Variants in NLRP5 observed in about 807,000 individuals in gnomAD.
NLRP5 encodes the protein NACHT, LRR and PYD domains-containing protein 5.
A neutral mutation model predicts 113.1 loss-of-function variants in NLRP5; 93 were observed. That is an observed-to-expected ratio of 0.82 (90% CI 0.70 to 0.98). The LOEUF is 0.98. Among genes scored for constraint, NLRP5 ranks in the 50% least tolerant of loss-of-function variants. The pLI is 0.00. For synonymous variants in NLRP5, 751 were observed against 600.7 expected (o/e 1.25, Z -3.66); for missense variants, 1,808 against 1,514.3 (o/e 1.19, Z -3.22).
At chr19:56,031,252 T>A (rs567009791) in intron 7 of NLRP5, among the ~76,000 whole-genome samples, 1 of 152,252 alleles carries the variant, frequency 6.6e-6, no homozygotes, top group East Asian at 1.9e-4. Flanking sequence ...TTCATGCCCA[T>A]GAAACGATAA....
intron 3 of NLRP5, among the ~76,000 whole-genome samples, chr19:56,014,518 G>A (rs1267526290): frequency 6.6e-6 from 1 of 151,406 alleles, no homozygotes; most frequent in Non-Finnish European, 1.5e-5. Context: ...AAAATCAGAA[G>A]GTTTACACCA....
intron 7 of NLRP5, among the ~76,000 whole-genome samples, chr19:56,031,466 T>TA (rs892558496): frequency 4.0e-4 from 61 of 151,604 alleles, no homozygotes; most frequent in Admixed American, 7.2e-4. Context: ...CCATCTCTAC[T>TA]AAAAAAATAC....
chr19:56,010,891 C>T (rs748835274), intron 3 of NLRP5, among the ~76,000 whole-genome samples: 20 of 151,718 alleles, frequency 1.3e-4, no homozygotes, highest in Non-Finnish European at 1.9e-4. Flanking sequence ...GTGACTCATA[C>T]CTGTAATCCC....
In NLRP5 at chr19:56,041,032, A is replaced by C. The variant is rs1008674332; in HGVS notation, c.2897A>C (p.Glu966Ala). 4 of 1,613,978 alleles carry C rather than the reference A, an allele frequency of 2.5e-6. No individual in the cohort carries two copies. Among genetic ancestry groups the C allele is most frequent in the Non-Finnish European group, 3.4e-6 (4 of 1,179,878 alleles). Residue 966 changes from glutamate (E) to alanine (A), a missense_variant, in exon 11 of 15, where the codon GAA becomes GCA. Coordinates refer to ENST00000390649, the MANE Select transcript of NLRP5 (RefSeq NM_153447.4). Reference sequence around the variant, plus strand: ...CTATCCAACAACAGCCTGGGGAACGAAGGTGTAAATCTACTGTGTCGATCC... The same window carrying C: ...CTATCCAACAACAGCCTGGGGAACGCAGGTGTAAATCTACTGTGTCGATCC...
At chr19:56,031,163 G>A (rs1983097772) in intron 7 of NLRP5, among the ~76,000 whole-genome samples, 1 of 152,068 alleles carries the variant, frequency 6.6e-6, no homozygotes, top group African/African-American at 2.4e-5. Context: ...CAATTTTTAG[G>A]TGTACGATAC....
intron 3 of NLRP5, among the ~76,000 whole-genome samples, chr19:56,015,341 C>T (rs1481269961): frequency 2.0e-5 from 3 of 152,044 alleles, no homozygotes; most frequent in Non-Finnish European, 2.9e-5. Flanking sequence ...ATTACAGGCA[C>T]ACGCCACCAT....
chr19:56,015,641 T>A, intron 3 of NLRP5, 101 bp from the exon 4 acceptor site: 1 of 973,956 alleles, frequency 1.0e-6, no homozygotes, highest in Non-Finnish European at 1.5e-6. Flanking sequence ...GTCAGAAAAT[T>A]AACTATGGCA....
At chr19:55,998,577 C>T (rs1464886613), upstream of NLRP5, among the ~76,000 whole-genome samples, 5 of 150,860 alleles carry the variant, frequency 3.3e-5, no homozygotes, top group African/African-American at 7.3e-5. Context: ...TGCTTGAACC[C>T]GGGAGGTGGA....
chr19:56,008,902 G>A (rs757149795), intron 3 of NLRP5, 49 bp downstream of exon 3: 2 of 1,530,624 alleles, frequency 1.3e-6, no homozygotes, highest in African/African-American at 1.4e-5. Flanking sequence ...AAGACACATG[G>A]CAGCCAGTTT....
chr19:56,021,780 T>G (rs1982626403), intron 6 of NLRP5, among the ~76,000 whole-genome samples: 1 of 152,216 alleles, frequency 6.6e-6, no homozygotes, highest in African/African-American at 2.4e-5. Context: ...TGAACACTCA[T>G]GTCCTAGGAG....
intron 6 of NLRP5, 70 bp from the exon 7 acceptor site, chr19:56,026,843 T>C: frequency 1.4e-6 from 2 of 1,478,700 alleles, no homozygotes; most frequent in South Asian, 2.7e-5. Context: ...CCCACAGTGC[T>C]GGGATGACAG....
the NLRP5 span, among the ~76,000 whole-genome samples, chr19:55,987,044 C>T: frequency 6.6e-6 from 1 of 152,184 alleles, no homozygotes; most frequent in Non-Finnish European, 1.5e-5. Flanking sequence ...TTAGGTAAGT[C>T]TCTCGTCCTT....
chr19:56,001,769 A>G (rs1029707477), intron 1 of NLRP5, among the ~76,000 whole-genome samples: 5 of 152,214 alleles, frequency 3.3e-5, no homozygotes, highest in Non-Finnish European at 5.9e-5. Context: ...AAATGTACAG[A>G]TGTCAAGCAA....
intron 6 of NLRP5, among the ~76,000 whole-genome samples, chr19:56,025,879 C>T (rs1050926714): frequency 1.3e-5 from 2 of 152,072 alleles, no homozygotes; most frequent in African/African-American, 4.8e-5. Flanking sequence ...TGTTGGCATA[C>T]ATCATTCATT....
intron 1 of NLRP5, among the ~76,000 whole-genome samples, chr19:56,002,244 A>G (rs145554213): frequency 6.6e-6 from 1 of 152,344 alleles, no homozygotes; most frequent in Non-Finnish European, 1.5e-5. Flanking sequence ...TGCCCATATT[A>G]AATTGGATCG....
the NLRP5 span, among the ~76,000 whole-genome samples, chr19:55,992,100 A>G: frequency 2.0e-5 from 3 of 152,086 alleles, no homozygotes; most frequent in African/African-American, 7.2e-5. Flanking sequence ...GCTCCCATTT[A>G]TAAGTGAGAA....
upstream of NLRP5, among the ~76,000 whole-genome samples, chr19:55,997,862 C>CA (rs11414769): frequency 0.52 from 77,339 of 149,100 alleles, 20,880 homozygotes; most frequent in African/African-American, 0.68. Context: ...CACTCTATCT[C>CA]AAAAAAAAAA....
chr19:56,023,089 T>TA (rs1245498747), intron 6 of NLRP5, among the ~76,000 whole-genome samples: 1 of 152,178 alleles, frequency 6.6e-6, no homozygotes, highest in Non-Finnish European at 1.5e-5. Context: ...AGGGGCGAGT[T>TA]AGACACACAA....
At chr19:56,005,065 G>T (rs1981802298) in intron 2 of NLRP5, among the ~76,000 whole-genome samples, 1 of 142,380 alleles carries the variant, frequency 7.0e-6, no homozygotes, top group African/African-American at 2.6e-5. Context: ...CTGCACTCCA[G>T]CCTGGGCAAC....
Sources: gnomAD v4.1 joint callset for allele counts (sites outside exome capture counted in the v4.1 genomes callset) on GRCh38, gnomAD v4.1.1 for gene constraint, MANE v1.5 for transcripts, NCBI Gene and HGNC (gene_info 2026-07-23, HGNC 2026-07-21) for gene names.